Variants in OR1B1 observed in about 807,000 individuals in gnomAD.
OR1B1 encodes the protein olfactory receptor family 1 subfamily B member 1.
For missense variants in OR1B1, 414 were observed against 402.1 expected, an observed-to-expected ratio of 1.03 and a Z score of -0.25; for synonymous variants, 168 against 156.2, an observed-to-expected ratio of 1.08 and a Z score of -0.57.
the OR1B1 span, among the ~76,000 whole-genome samples, chr9:122,649,037 T>C: frequency 2.6e-5 from 4 of 152,196 alleles, no homozygotes; most frequent in Non-Finnish European, 5.9e-5. Flanking sequence ...AGCATGGTAC[T>C]GGTACCAAAA....
the OR1B1 span, among the ~76,000 whole-genome samples, chr9:122,656,198 C>T: frequency 2.0e-5 from 3 of 152,126 alleles, no homozygotes; most frequent in South Asian, 2.1e-4. Flanking sequence ...TCTGGCAACA[C>T]GTGTCTTCAA....
At chr9:122,636,689 A>C in the OR1B1 span, among the ~76,000 whole-genome samples, 4 of 152,324 alleles carry the variant, frequency 2.6e-5, no homozygotes, top group South Asian at 8.3e-4. Flanking sequence ...CTAATACCTA[A>C]CACAGAGCTG....
the OR1B1 span, among the ~76,000 whole-genome samples, chr9:122,650,687 C>T: frequency 6.6e-6 from 1 of 151,986 alleles, no homozygotes; most frequent in African/African-American, 2.4e-5. Flanking sequence ...AAAATGATAT[C>T]ACCTAATTTT....
At chr9:122,649,730 A>T in the OR1B1 span, among the ~76,000 whole-genome samples, 29 of 152,236 alleles carry the variant, frequency 1.9e-4, no homozygotes, top group African/African-American at 6.5e-4. Flanking sequence ...AATGGCAATC[A>T]TTAAAAAGTC....
the OR1B1 span, among the ~76,000 whole-genome samples, chr9:122,645,891 AC>A: frequency 6.6e-6 from 1 of 152,178 alleles, no homozygotes; most frequent in Non-Finnish European, 1.5e-5. Context: ...CTAGGAAAAA[AC>A]ACAGATTAGT....
chr9:122,636,648 A>C, the OR1B1 span, among the ~76,000 whole-genome samples: 1 of 152,146 alleles, frequency 6.6e-6, no homozygotes, highest in African/African-American at 2.4e-5. Flanking sequence ...TAAACAAACA[A>C]ACACACACAT....
chr9:122,651,941 T>G, the OR1B1 span, among the ~76,000 whole-genome samples: 13 of 152,176 alleles, frequency 8.5e-5, no homozygotes, highest in African/African-American at 3.1e-4. Context: ...CTCCTGAGTA[T>G]GCTGTGCCAC....
chr9:122,649,946 A>G, the OR1B1 span, among the ~76,000 whole-genome samples: 1 of 152,222 alleles, frequency 6.6e-6, no homozygotes, highest in African/African-American at 2.4e-5. Flanking sequence ...ACACATGCAC[A>G]TGTATGTTTA....
chr9:122,628,979 T>C, exon 1 of OR1B1: 1 of 1,613,776 alleles, frequency 6.2e-7, no homozygotes, highest in African/African-American at 1.3e-5. Context: ...TGGCCGGTGG[T>C]CACAAAAGAA....
chr9:122,645,135 C>A, the OR1B1 span, among the ~76,000 whole-genome samples: 4 of 152,122 alleles, frequency 2.6e-5, no homozygotes, highest in East Asian at 7.7e-4. Flanking sequence ...TTGAAAAATA[C>A]AATCCACATG....
chr9:122,648,474 A>C, the OR1B1 span, among the ~76,000 whole-genome samples: 10 of 152,218 alleles, frequency 6.6e-5, no homozygotes, highest in African/African-American at 2.4e-4. Context: ...CAAAAGCTGG[A>C]AACATTCCCT....
At chr9:122,631,614 G>A (rs1238519270), upstream of OR1B1, among the ~76,000 whole-genome samples, 1 of 152,168 alleles carries the variant, frequency 6.6e-6, no homozygotes, top group Admixed American at 6.5e-5. Context: ...CAGGTGACAG[G>A]TGGCAGGTAG....
the OR1B1 span, among the ~76,000 whole-genome samples, chr9:122,647,225 T>C: frequency 6.6e-6 from 1 of 151,950 alleles, no homozygotes; most frequent in African/African-American, 2.4e-5. Context: ...ACTCAAAAAA[T>C]TGAAATAATA....
upstream of OR1B1, among the ~76,000 whole-genome samples, chr9:122,634,190 G>C (rs1661326357): frequency 6.6e-6 from 1 of 152,026 alleles, no homozygotes; most frequent in African/African-American, 2.4e-5. Flanking sequence ...TACAAAATTA[G>C]CCAGGCGTGG....
the OR1B1 span, among the ~76,000 whole-genome samples, chr9:122,656,869 A>G: frequency 1.3e-5 from 2 of 152,196 alleles, no homozygotes; most frequent in African/African-American, 4.8e-5. Context: ...TTTTAGTTAT[A>G]TGATTATATA....
At chr9:122,635,975 A>G in the OR1B1 span, among the ~76,000 whole-genome samples, 2 of 152,228 alleles carry the variant, frequency 1.3e-5, no homozygotes, top group Non-Finnish European at 2.9e-5. Context: ...GACCAAACTC[A>G]AATTCTATAT....
At chr9:122,647,308 AAC>A in the OR1B1 span, among the ~76,000 whole-genome samples, 1 of 152,208 alleles carries the variant, frequency 6.6e-6, no homozygotes, top group African/African-American at 2.4e-5. Flanking sequence ...AAACTATACA[AAC>A]ACATGGAAAT....
chr9:122,634,333 CT>C (rs1173663877), upstream of OR1B1, among the ~76,000 whole-genome samples: 3 of 129,734 alleles, frequency 2.3e-5, no homozygotes, highest in African/African-American at 9.8e-5. Flanking sequence ...CGAACTCCAT[CT>C]CAAAAAAAAA....
the OR1B1 span, among the ~76,000 whole-genome samples, chr9:122,644,514 T>C: frequency 5.9e-5 from 9 of 152,224 alleles, no homozygotes; most frequent in Admixed American, 5.9e-4. Flanking sequence ...TATCTAGACA[T>C]GCATGGGCCT....
Sources: gnomAD v4.1 joint callset for allele counts (sites outside exome capture counted in the v4.1 genomes callset) on GRCh38, gnomAD v4.1.1 for gene constraint, MANE v1.5 for transcripts, NCBI Gene and HGNC (gene_info 2026-07-23, HGNC 2026-07-21) for gene names.